Variants in NEBL observed in about 807,000 individuals in gnomAD.
NEBL encodes nebulette, also known as LIM and SH3 protein 2.
A neutral mutation model predicts 140.2 loss-of-function variants in NEBL; 122 were observed. The ratio of observed to expected loss-of-function variants is 0.87; its 90% CI spans 0.75 to 1.01. The LOEUF (loss-of-function observed/expected upper bound fraction) is 1.01. Among genes scored for constraint, NEBL ranks in the 50% least tolerant of loss-of-function variants. The pLI is 0.00. For synonymous variants in NEBL, 436 were observed against 398.9 expected (o/e 1.09, Z -1.11); for missense variants, 1,365 against 1,231.3 (o/e 1.11, Z -1.62).
At chr10:20,856,079 C>A (rs1471203669) in intron 9 of NEBL, among the ~76,000 whole-genome samples, 1 of 152,158 alleles carries the variant, frequency 6.6e-6, no homozygotes, top group Non-Finnish European at 1.5e-5. Flanking sequence ...TAAGGAGACA[C>A]TTCAAAAGGA....
chr10:20,894,822 G>A (rs572200596), intron 2 of NEBL, among the ~76,000 whole-genome samples: 178 of 150,394 alleles, frequency 1.2e-3, no homozygotes, highest in African/African-American at 4.1e-3. Context: ...CCGGCTACTC[G>A]GGTGGCTGAG....
chr10:20,808,702 C>T (rs754976785), intron 25 of NEBL, 43 bp from the exon 26 acceptor site: 28 of 1,579,110 alleles, frequency 1.8e-5, no homozygotes, highest in African/African-American at 1.2e-4. Context: ...TTAAGTGACT[C>T]GAAAAACAAA....
intron 2 of NEBL, among the ~76,000 whole-genome samples, chr10:21,148,604 C>T (rs143095396): frequency 1.1e-3 from 168 of 152,278 alleles, no homozygotes; most frequent in African/African-American, 4.0e-3. Context: ...CAGCTCACTG[C>T]AACTTCCACC....
At chr10:20,789,548 G>C (rs12244585) in intron 26 of NEBL, among the ~76,000 whole-genome samples, 3 of 151,986 alleles carry the variant, frequency 2.0e-5, no homozygotes, top group African/African-American at 7.3e-5. Flanking sequence ...TCTCATTTTG[G>C]CTTTCAAAAA....
Position 20,816,122 on chromosome 10 carries a change from A to G in NEBL, c.2149-405T>C, listed in dbSNP as rs140664314. ...GGAAGTTTTGTAGGAAACTACAAAA[A>G]ATATTTTCAGAGGTTGAGTTGTATT... On this transcript the variant is annotated intron_variant, in intron 21 of 27. Transcript: ENST00000377122. 5.2e-4 allele frequency among the ~76,000 whole-genome samples: 79 copies of G among 152,290 alleles called. 2 individuals carry two copies. The East Asian group carries it at 0.015, about 28-fold the overall frequency.
rs192798327 is a variant in NEBL at position 21,156,683 on chromosome 10, C to A, written c.164+15700G>T. 6.3e-3 allele frequency among the ~76,000 whole-genome samples: 962 copies of A among 151,906 alleles called. 12 individuals are homozygous for A. Among genetic ancestry groups the A allele is most frequent in the African/African-American group, 0.022 (915 of 41,418 alleles). On this transcript the variant is annotated intron_variant, in intron 2 of 6. Coordinates refer to the NEBL transcript ENST00000417816. ...TTCACTCACTCTTGAAATACAGATA[C>A]AATCCTTCATTGCTTAATAAAATAA...
At chr10:21,032,634 AGACTTATGAGAG>A (rs1016575494) in intron 2 of NEBL, among the ~76,000 whole-genome samples, 4 of 23,626 alleles carry the variant, frequency 1.7e-4, no homozygotes, top group South Asian at 3.3e-3. Context: ...TTCAGAAAGC[AGACTTATGAGAG>A]CTGCTGATAG....
intron 2 of NEBL, among the ~76,000 whole-genome samples, chr10:21,122,633 A>T (rs1207053478): frequency 2.0e-5 from 3 of 152,188 alleles, no homozygotes; most frequent in Non-Finnish European, 4.4e-5. Flanking sequence ...AAGGCAGAAA[A>T]TGAGACTTAA....
At chr10:20,788,109 C>T (rs1220427675) in intron 26 of NEBL, among the ~76,000 whole-genome samples, 3 of 152,066 alleles carry the variant, frequency 2.0e-5, no homozygotes, top group African/African-American at 7.2e-5. Context: ...CTAGAGAAGC[C>T]AACACAGAAG....
At chr10:21,046,597 C>CTTTTGTTTTTG (rs1232420523) in intron 2 of NEBL, among the ~76,000 whole-genome samples, 2 of 151,978 alleles carry the variant, frequency 1.3e-5, no homozygotes, top group Non-Finnish European at 2.9e-5. Context: ...AACCTCAATA[C>CTTTTGTTTTTG]TTTTGTTTTT....
At chr10:20,898,881 A>G (rs1847710575), upstream of NEBL, among the ~76,000 whole-genome samples, 1 of 152,176 alleles carries the variant, frequency 6.6e-6, no homozygotes, top group South Asian at 2.1e-4. Flanking sequence ...TTAGGGAAAC[A>G]TTGCTCTATT....
At chr10:20,918,282 C>CAGA (rs1169707257) in intron 4 of NEBL, among the ~76,000 whole-genome samples, 1 of 152,014 alleles carries the variant, frequency 6.6e-6, no homozygotes, top group Non-Finnish European at 1.5e-5. Context: ...CGCTTGAACC[C>CAGA]AGAAGGCAGA....
chr10:21,252,522 A>T (rs1463014744), intron 1 of NEBL, among the ~76,000 whole-genome samples: 1 of 152,212 alleles, frequency 6.6e-6, no homozygotes, highest in African/African-American at 2.4e-5. Flanking sequence ...GTTTTTAAGG[A>T]ATTGAGCTAT....
chr10:21,039,815 G>T (rs563678173), intron 2 of NEBL, among the ~76,000 whole-genome samples: 43 of 151,868 alleles, frequency 2.8e-4, no homozygotes, highest in African/African-American at 1.0e-3. Context: ...TGTTTGTCTT[G>T]ACCCATCAAA....
chr10:20,866,898 C>T (rs1349275647), intron 7 of NEBL, among the ~76,000 whole-genome samples: 5 of 151,932 alleles, frequency 3.3e-5, no homozygotes, highest in East Asian at 1.9e-4. Flanking sequence ...TCTACTGAGC[C>T]GTTAATCTTT....
At chr10:20,944,728 T>C (rs1283343414) in intron 4 of NEBL, among the ~76,000 whole-genome samples, 1 of 152,242 alleles carries the variant, frequency 6.6e-6, no homozygotes, top group Non-Finnish European at 1.5e-5. Flanking sequence ...GCTCAACATT[T>C]GTCATTCAAT....
intron 3 of NEBL, among the ~76,000 whole-genome samples, chr10:21,193,961 A>G (rs1487895571): frequency 6.6e-6 from 1 of 152,134 alleles, no homozygotes; most frequent in Non-Finnish European, 1.5e-5. Context: ...CCAAAACTAA[A>G]ATGTATTTTT....
intron 3 of NEBL, among the ~76,000 whole-genome samples, chr10:21,183,703 C>A (rs182606583): frequency 4.6e-4 from 70 of 152,264 alleles, no homozygotes; most frequent in Admixed American, 2.7e-3. Flanking sequence ...GGGAATGAGG[C>A]CCCACTTGCA....
chr10:21,160,553 T>C (rs921462112), intron 2 of NEBL, among the ~76,000 whole-genome samples: 1 of 147,486 alleles, frequency 6.8e-6, no homozygotes, highest in Non-Finnish European at 1.5e-5. Context: ...TAAATAGAAT[T>C]CCCCTTAATG....
Sources: gnomAD v4.1 joint callset for allele counts (sites outside exome capture counted in the v4.1 genomes callset) on GRCh38, gnomAD v4.1.1 for gene constraint, MANE v1.5 for transcripts, NCBI Gene and HGNC (gene_info 2026-07-23, HGNC 2026-07-21) for gene names.